Variants in RND3 observed in about 807,000 individuals in gnomAD.
RND3 encodes rho-related GTP-binding protein RhoE.
A neutral mutation model predicts 26.5 loss-of-function variants in RND3; 8 were observed. The ratio of observed to expected loss-of-function variants is 0.30; its 90% CI spans 0.18 to 0.54. The LOEUF (loss-of-function observed/expected upper bound fraction) is 0.54, where lower values mean the gene tolerates loss of function less well. Ranked by LOEUF, RND3 falls within the 20% of genes least tolerant of loss-of-function variation. RND3 has a pLI of 0.94. For synonymous variants in RND3, 113 were observed against 113.0 expected, an observed-to-expected ratio of 1.00 and a Z score of 0.00; for missense variants, 207 against 302.8, an observed-to-expected ratio of 0.68 and a Z score of 2.35.
In RND3 at chr2:150,469,903, T is replaced by G; in HGVS notation, c.*84A>C. 1 of 1,507,270 alleles carries G rather than the reference T, an allele frequency of 6.6e-7. No homozygotes were observed. The highest frequency in any genetic ancestry group is 9.1e-7 in the Non-Finnish European group (1 of 1,101,838). The allele number at this position is 1,507,270 out of a possible 1,614,324, so 93.4% of individuals were successfully genotyped here. A position where few individuals can be genotyped will look rare whatever the true frequency, so the allele number is the denominator to read the frequency against. ...CCTCTGGTATACATGACTTTGGCTGTGCACTTCATTTAGACTTCACCTTTT... is the reference window on the plus strand; with the variant it reads ...CCTCTGGTATACATGACTTTGGCTGGGCACTTCATTTAGACTTCACCTTTT... On this transcript the variant is annotated 3_prime_UTR_variant, in exon 6 of 6. Transcript: ENST00000263895.
In RND3 at chr2:150,468,821, C is replaced by A. The variant is rs1686035198; in HGVS notation, c.*1166G>T. ...TTTTAGCAATGACACTCTAGAAATG[C>A]CCTAGTGTTATGTCAGGACTGAAAG... On this transcript the variant is annotated 3_prime_UTR_variant, in exon 6 of 6. Coordinates refer to ENST00000263895, the MANE Select transcript of RND3 (RefSeq NM_005168.5). 6.6e-6 allele frequency: 1 copy of A among 152,582 alleles called. No individual in the cohort carries two copies. The highest frequency in any genetic ancestry group is 1.5e-5 in the Non-Finnish European group (1 of 68,034). 9.5% of individuals were successfully genotyped at this position (152,582 alleles called of 1,614,324 possible). A position where few individuals can be genotyped will look rare whatever the true frequency, so the allele number is the denominator to read the frequency against.
rs1321706156 is a variant in RND3 at position 150,471,744 on chromosome 2, C to T, written c.366G>A (p.Gln122=). ...GCATTTTGGTATTTGGACAAAATTC[C>T]TGGATTTCACCTTTCCACTATGAAA... The part of the protein sequence containing the change: ...SVLKKWKGEI[Q]EFCPNTKMLL... The change falls in exon 5 of 6, where the codon CAG becomes CAA. Residue 122 remains glutamine, a synonymous_variant. Coordinates refer to ENST00000263895, the MANE Select transcript of RND3 (RefSeq NM_005168.5). 3 of 1,607,474 alleles carry T rather than the reference C, an allele frequency of 1.9e-6. No homozygotes were observed. The highest frequency in any genetic ancestry group is 1.7e-5 in the Admixed American group (1 of 58,976).
chr2:150,470,309 A>G (rs1686066157), intron 5 of RND3, 71 bp from the exon 6 acceptor site: 1 of 1,481,658 alleles, frequency 6.7e-7, no homozygotes, highest in African/African-American at 1.4e-5. Context: ...ATCTTCTAAT[A>G]CCACAAAATA....
intron 4 of RND3, among the ~76,000 whole-genome samples, chr2:150,473,199 T>C (rs1686114834): frequency 6.6e-6 from 1 of 151,780 alleles, no homozygotes; most frequent in Non-Finnish European, 1.5e-5. Context: ...TCCTCTTTGA[T>C]AGTGAAGGAC....
At chr2:150,482,671 T>C (rs932482503) in intron 3 of RND3, among the ~76,000 whole-genome samples, 7 of 138,660 alleles carry the variant, frequency 5.0e-5, no homozygotes, top group African/African-American at 1.6e-4. Flanking sequence ...GCCCTAAGAA[T>C]TGACTGGCAA....
In RND3 at chr2:150,486,365, C is replaced by A. The variant is rs1277654255; in HGVS notation, c.238+329G>T. ...CGCCGAGGCGCACGCAGCGCCCATG[C>A]AACACCCCACAGTATCGGGCCACCT... On this transcript the variant is annotated intron_variant, in intron 3 of 5. Transcript: ENST00000263895. This position sits in a 1 kb window ranked among gnomAD's most constrained non-coding sequence, Gnocchi z 4.5. 6.6e-6 allele frequency among the ~76,000 whole-genome samples: 1 copy of A among 152,138 alleles called. No individual in the cohort carries two copies. Among genetic ancestry groups the A allele is most frequent in the African/African-American group, 2.4e-5 (1 of 41,452 alleles).
intron 3 of RND3, among the ~76,000 whole-genome samples, chr2:150,476,023 C>T (rs1573954059): frequency 1.3e-5 from 2 of 152,174 alleles, no homozygotes; most frequent in South Asian, 2.1e-4. Context: ...CTGCCAAATG[C>T]CGCTTGTTTA....
chr2:150,469,852 G>A lies in RND3; in HGVS notation c.*135C>T, dbSNP rs1573951514. ...CCTAAGGTCAGGATTCCAAAAAGATGAGTATCCTCTCAAACGCCTCCTAAG... is the reference window on the plus strand; with the variant it reads ...CCTAAGGTCAGGATTCCAAAAAGATAAGTATCCTCTCAAACGCCTCCTAAG... On this transcript the variant is annotated 3_prime_UTR_variant, in exon 6 of 6. Transcript: ENST00000263895. The A allele has an allele frequency of 4.3e-6, 4 of 933,578 alleles. No individual in the cohort carries two copies. The highest frequency in any genetic ancestry group is 2.6e-5 in the East Asian group (1 of 38,042). 57.8% of individuals were successfully genotyped at this position (933,578 alleles called of 1,614,324 possible).
At chr2:150,475,280 C>A (rs1160814428) in intron 3 of RND3, among the ~76,000 whole-genome samples, 1 of 152,104 alleles carries the variant, frequency 6.6e-6, no homozygotes, top group Non-Finnish European at 1.5e-5. Context: ...AGGGAAGCAC[C>A]TGGGGCCAGG....
intron 5 of RND3, among the ~76,000 whole-genome samples, chr2:150,471,114 G>A (rs868724996): frequency 2.0e-5 from 3 of 152,000 alleles, no homozygotes; most frequent in African/African-American, 7.2e-5. Flanking sequence ...AGAAGACTGC[G>A]GTATTTAAAA....
rs750617672 is a variant in RND3 at position 150,470,045 on chromosome 2, A to C, written c.677T>G (p.Leu226Arg). The C allele has an allele frequency of 1.2e-6, 2 of 1,613,862 alleles. No homozygotes were observed. Among genetic ancestry groups the C allele is most frequent in the Non-Finnish European group, 1.7e-6 (2 of 1,179,932 alleles). Residue 226 changes from leucine (L) to arginine (R), a missense_variant, in exon 6 of 6, where the codon CTC (leucine) becomes CGC (arginine). Coordinates refer to ENST00000263895, the MANE Select transcript of RND3 (RefSeq NM_005168.5). ...RISHMPSRPELSAVATDLRKD... is the reference protein window; with the variant it reads ...RISHMPSRPERSAVATDLRKD... ...TCGTAAGTCCGTAGCAACTGCCGAG[A>C]GTTCTGGTCTGCTAGGCATGTGTGA... is the stretch of plus-strand genomic sequence containing the variant.
At chr2:150,476,895 G>C (rs773891521) in intron 3 of RND3, among the ~76,000 whole-genome samples, 1 of 152,160 alleles carries the variant, frequency 6.6e-6, no homozygotes, top group Non-Finnish European at 1.5e-5. Flanking sequence ...TTAGTTCTAA[G>C]AAGTTCACAC....
intron 3 of RND3, 107 bp from the exon 4 acceptor site, chr2:150,475,091 C>T: frequency 1.6e-6 from 1 of 636,794 alleles, no homozygotes; most frequent in Non-Finnish European, 2.8e-6. Context: ...CATCACGACC[C>T]AACTCCCACT....
chr2:150,475,114 T>G (rs1413079541), intron 3 of RND3, 130 bp from the exon 4 acceptor site: 2 of 599,036 alleles, frequency 3.3e-6, no homozygotes, highest in African/African-American at 3.7e-5. Context: ...CCCTAATTCT[T>G]GGAAAAGAAT....
intron 4 of RND3, among the ~76,000 whole-genome samples, chr2:150,473,750 A>G (rs533327661): frequency 6.6e-6 from 1 of 152,346 alleles, no homozygotes; most frequent in East Asian, 1.9e-4. Context: ...ATGACACACA[A>G]GCCAAGCAAT....
intron 4 of RND3, 190 bp from the exon 5 acceptor site, chr2:150,471,951 A>G: frequency 1.8e-6 from 1 of 563,208 alleles, no homozygotes; most frequent in Non-Finnish European, 3.1e-6. Context: ...CTACTTTTTA[A>G]GCATTAGAGA....
intron 3 of RND3, among the ~76,000 whole-genome samples, chr2:150,475,449 G>C (rs1686148418): frequency 6.6e-6 from 1 of 152,280 alleles, no homozygotes; most frequent in South Asian, 2.1e-4. Flanking sequence ...TTTAGTAAGG[G>C]ATCAATACGT....
chr2:150,474,217 G>A lies in RND3; in HGVS notation c.348+658C>T, dbSNP rs989434828. ...TCCTCTTCCTCTTGATCTCCCCCTGGTTCCTTCCAACCATAGCTTCCTTAG... is the reference window on the plus strand; with the variant it reads ...TCCTCTTCCTCTTGATCTCCCCCTGATTCCTTCCAACCATAGCTTCCTTAG... On this transcript the variant is annotated intron_variant, in intron 4 of 5. Coordinates refer to ENST00000263895, the MANE Select transcript of RND3 (RefSeq NM_005168.5). 3.3e-5 allele frequency among the ~76,000 whole-genome samples: 5 copies of A among 151,972 alleles called. No homozygotes were observed. The East Asian group carries it at 9.7e-4, about 29-fold the overall frequency.
Position 150,487,459 on chromosome 2 carries a change from A to C in RND3, c.-38-4T>G. On this transcript the variant is annotated splice_polypyrimidine_tract_variant and splice_region_variant and intron_variant, in intron 1 of 5. Transcript: ENST00000263895. ...TCTCTTGGAACAGGAATTTTCTCTT[A>C]AGAAGAAAAAAAAAAATATATATAT... 8 of 730,250 alleles carry C rather than the reference A, an allele frequency of 1.1e-5. No homozygotes were observed. Among genetic ancestry groups the C allele is most frequent in the Non-Finnish European group, 1.5e-5 (8 of 539,082 alleles). 45.2% of individuals were successfully genotyped at this position (730,250 alleles called of 1,614,324 possible).
Sources: gnomAD v4.1 joint callset for allele counts (sites outside exome capture counted in the v4.1 genomes callset) on GRCh38, gnomAD v4.1.1 for gene constraint, Gnocchi (gnomAD v3.1) non-coding constraint, MANE v1.5 for transcripts, NCBI Gene and HGNC (gene_info 2026-07-23, HGNC 2026-07-21) for gene names.